PTPRD: variants seen among roughly 807,000 people sequenced by gnomAD.
PTPRD encodes protein tyrosine phosphatase receptor type D.
A neutral mutation model predicts 214.5 loss-of-function variants in PTPRD; 34 were observed. The observed-to-expected ratio is 0.16, with a 90% CI of 0.12 to 0.21. PTPRD has a LOEUF of 0.21. Among genes scored for constraint, PTPRD ranks in the 10% least tolerant of loss-of-function variants. The probability of loss-of-function intolerance (pLI) is 1.00; values close to 1 mark genes in which losing one functional copy is unlikely to be tolerated. For missense variants in PTPRD, 2,545 were observed against 2,398.7 expected (o/e 1.06, Z -1.27); for synonymous variants, 1,128 against 845.7 (o/e 1.33, Z -5.79).
intron 2 of PTPRD, among the ~76,000 whole-genome samples, chr9:10,416,216 G>A (rs1251534491): frequency 2.0e-5 from 3 of 151,646 alleles, no homozygotes; most frequent in Non-Finnish European, 4.4e-5. Context: ...AAATTAGCCA[G>A]GCATGGTGGC....
intron 2 of PTPRD, among the ~76,000 whole-genome samples, chr9:10,400,458 G>GT: frequency 6.6e-6 from 1 of 151,320 alleles, no homozygotes; most frequent in South Asian, 2.1e-4. Context: ...TTGCAAATTG[G>GT]TAACAGGTAA....
chr9:9,576,178 T>C (rs1456514260), intron 7 of PTPRD, among the ~76,000 whole-genome samples: 2 of 152,224 alleles, frequency 1.3e-5, no homozygotes, highest in Non-Finnish European at 1.5e-5. Flanking sequence ...GTTTCTACCA[T>C]AATTGAAGAA....
chr9:9,087,608 T>C (rs1444320188), intron 10 of PTPRD, among the ~76,000 whole-genome samples: 1 of 152,126 alleles, frequency 6.6e-6, no homozygotes, highest in Non-Finnish European at 1.5e-5. Flanking sequence ...GTTACTTACA[T>C]TGTGCTAGAG....
chr9:8,774,684 G>A (rs930064127), intron 11 of PTPRD, among the ~76,000 whole-genome samples: 14 of 151,714 alleles, frequency 9.2e-5, no homozygotes, highest in African/African-American at 1.2e-4. Context: ...ACAGGCATGC[G>A]CCACCACACC....
chr9:8,603,326 C>G (rs562228590), intron 14 of PTPRD, among the ~76,000 whole-genome samples: 5 of 152,038 alleles, frequency 3.3e-5, no homozygotes, highest in African/African-American at 4.8e-5. Context: ...AGAAAAAAAT[C>G]TAAGTTTTCT....
intron 10 of PTPRD, among the ~76,000 whole-genome samples, chr9:9,149,244 G>C (rs538956005): frequency 6.6e-5 from 10 of 152,294 alleles, no homozygotes; most frequent in African/African-American, 2.4e-4. Context: ...GATGACATGA[G>C]ATAATCCACA....
intron 4 of PTPRD, among the ~76,000 whole-genome samples, chr9:9,990,364 T>C (rs200930709): frequency 1.3e-5 from 2 of 152,234 alleles, no homozygotes. Context: ...AGCCATCAGA[T>C]GTGCAGTTCA....
chr9:9,174,943 G>A (rs2099923719), intron 10 of PTPRD, among the ~76,000 whole-genome samples: 1 of 151,982 alleles, frequency 6.6e-6, no homozygotes, highest in African/African-American at 2.4e-5. Context: ...AAGGTGATTA[G>A]GTCATGGGAT....
At chr9:10,302,200 A>G (rs1432306172) in intron 3 of PTPRD, among the ~76,000 whole-genome samples, 1 of 152,228 alleles carries the variant, frequency 6.6e-6, no homozygotes, top group Non-Finnish European at 1.5e-5. Context: ...AAAATCCTTT[A>G]TAGGCAAGCA....
intron 43 of PTPRD, among the ~76,000 whole-genome samples, chr9:8,335,624 T>A (rs1845871708): frequency 1.3e-5 from 2 of 152,152 alleles, no homozygotes; most frequent in Admixed American, 1.3e-4. Flanking sequence ...TTCAACACAG[T>A]ATTGGAAGTT....
intron 4 of PTPRD, among the ~76,000 whole-genome samples, chr9:10,001,926 G>A (rs1016343235): frequency 9.2e-5 from 14 of 151,824 alleles, no homozygotes; most frequent in African/African-American, 3.4e-4. Context: ...TGTTTAAAAC[G>A]CTTTTATACT....
chr9:10,348,415 C>A (rs549788756), intron 2 of PTPRD, among the ~76,000 whole-genome samples: 13 of 152,180 alleles, frequency 8.5e-5, no homozygotes, highest in Admixed American at 2.6e-4. Context: ...TGATTTAAAA[C>A]AGGGTTGACA....
chr9:10,114,049 A>G (rs557647381), intron 3 of PTPRD, among the ~76,000 whole-genome samples: 1 of 152,318 alleles, frequency 6.6e-6, no homozygotes, highest in South Asian at 2.1e-4. Flanking sequence ...AGTAATCTCA[A>G]GTGATTTGAT....
intron 14 of PTPRD, among the ~76,000 whole-genome samples, chr9:8,604,827 T>C (rs1466657832): frequency 1.3e-5 from 2 of 152,120 alleles, no homozygotes; most frequent in Non-Finnish European, 2.9e-5. Flanking sequence ...TTAACTGAGA[T>C]GGAAAATATA....
chr9:8,912,201 A>T (rs1004787893), intron 11 of PTPRD, among the ~76,000 whole-genome samples: 1 of 152,224 alleles, frequency 6.6e-6, no homozygotes, highest in African/African-American at 2.4e-5. Context: ...AAAAATATGT[A>T]TGCAAATGTT....
intron 9 of PTPRD, among the ~76,000 whole-genome samples, chr9:9,215,052 C>G (rs1239634995): frequency 6.6e-6 from 1 of 152,150 alleles, no homozygotes; most frequent in Admixed American, 6.5e-5. Flanking sequence ...ACTGTTTGGC[C>G]TACTTTCTTG....
At position 8,980,368 on chromosome 9, in the gene PTPRD, A is replaced by G. The variant is rs569228047; in HGVS notation, c.-104+38329T>C. Among the ~76,000 whole-genome samples the G allele has an allele frequency of 1.2e-4, 19 of 152,184 alleles. No individual in the cohort carries two copies. The East Asian group carries it at 3.5e-3, about 28-fold the overall frequency. ...TGTATTATATTAGGGATTTAAAAAA[A>G]TAAGTAGATTTTAGCTGCTTTTGTC... On this transcript the variant is annotated intron_variant, in intron 11 of 45. Coordinates refer to ENST00000381196, the MANE Select transcript of PTPRD (RefSeq NM_002839.4).
At chr9:9,546,233 G>A (rs911654255) in intron 8 of PTPRD, among the ~76,000 whole-genome samples, 7 of 129,134 alleles carry the variant, frequency 5.4e-5, no homozygotes, top group Non-Finnish European at 1.0e-4. Context: ...AAGTTGTTGT[G>A]GAATTTTTGG....
chr9:10,543,274 A>C (rs1193314159), intron 2 of PTPRD, among the ~76,000 whole-genome samples: 1 of 152,130 alleles, frequency 6.6e-6, no homozygotes, highest in Non-Finnish European at 1.5e-5. Context: ...AATTTGTCTA[A>C]AGCAATTTAT....
Sources: allele counts gnomAD v4.1 joint callset (sites outside exome capture counted in the v4.1 genomes callset), GRCh38; gene constraint gnomAD v4.1.1; transcripts MANE v1.5; gene names NCBI Gene and HGNC (gene_info 2026-07-23, HGNC 2026-07-21).